TAS2R1: variants seen among roughly 807,000 people sequenced by gnomAD.
The protein encoded by TAS2R1 is taste 2 receptor member 1.
For missense variants in TAS2R1, 370 were observed against 353.4 expected (o/e 1.05, Z -0.38); for synonymous variants, 141 against 134.2 (o/e 1.05, Z -0.35).
chr5:9,835,042 C>T, the TAS2R1 span, among the ~76,000 whole-genome samples: 1 of 152,156 alleles, frequency 6.6e-6, no homozygotes, highest in Non-Finnish European at 1.5e-5. Flanking sequence ...GTCTGCCGAC[C>T]CCTAGGGGCA....
chr5:9,750,062 C>A, the TAS2R1 span, among the ~76,000 whole-genome samples: 2 of 152,206 alleles, frequency 1.3e-5, no homozygotes, highest in African/African-American at 4.8e-5. Context: ...TGTCTTCTGG[C>A]TTCTCATTCG....
chr5:9,813,347 G>A, the TAS2R1 span, among the ~76,000 whole-genome samples: 15 of 152,306 alleles, frequency 9.8e-5, no homozygotes, highest in South Asian at 2.9e-3. Context: ...ATCAGTCTCT[G>A]GAACTTTGTT....
At chr5:9,849,379 T>C in the TAS2R1 span, among the ~76,000 whole-genome samples, 53 of 152,354 alleles carry the variant, frequency 3.5e-4, no homozygotes, top group African/African-American at 1.0e-3. Flanking sequence ...TTTCCATGCA[T>C]TGGAAATACA....
At chr5:9,752,505 T>C in the TAS2R1 span, among the ~76,000 whole-genome samples, 1 of 152,174 alleles carries the variant, frequency 6.6e-6, no homozygotes, top group African/African-American at 2.4e-5. Flanking sequence ...CTCACATTGT[T>C]TTTATGCATG....
chr5:9,671,583 G>A (rs545478175), intron 1 of TAS2R1, among the ~76,000 whole-genome samples: 12 of 151,988 alleles, frequency 7.9e-5, no homozygotes, highest in African/African-American at 2.9e-4. Flanking sequence ...AGCTAACCAG[G>A]TATATGAAAG....
At chr5:9,756,761 G>T in the TAS2R1 span, among the ~76,000 whole-genome samples, 1 of 152,164 alleles carries the variant, frequency 6.6e-6, no homozygotes, top group South Asian at 2.1e-4. Context: ...GCAAGGCAAA[G>T]TCGAAAGGGT....
the TAS2R1 span, among the ~76,000 whole-genome samples, chr5:9,806,510 T>C: frequency 1.3e-5 from 2 of 152,090 alleles, 1 homozygote. Flanking sequence ...TATAAGGCCA[T>C]TGTCATCAAA....
At chr5:9,632,939 G>A (rs533071327), upstream of TAS2R1, among the ~76,000 whole-genome samples, 32 of 151,784 alleles carry the variant, frequency 2.1e-4, 1 homozygote, top group South Asian at 5.6e-3. Context: ...CTAAAATGGT[G>A]AATCCTTTCC....
chr5:9,790,737 T>C, the TAS2R1 span, among the ~76,000 whole-genome samples: 1 of 152,316 alleles, frequency 6.6e-6, no homozygotes, highest in South Asian at 2.1e-4. Flanking sequence ...CAAGCAATTC[T>C]TCCGCCTCAG....
At chr5:9,719,867 G>A in the TAS2R1 span, among the ~76,000 whole-genome samples, 9,613 of 142,688 alleles carry the variant, frequency 0.067, 934 homozygotes, top group African/African-American at 0.22. Flanking sequence ...GCAGTGAGCC[G>A]AGATCGCACC....
the TAS2R1 span, among the ~76,000 whole-genome samples, chr5:9,884,801 T>C: frequency 6.6e-6 from 1 of 152,250 alleles, no homozygotes; most frequent in African/African-American, 2.4e-5. Context: ...CTTTGACCTT[T>C]TTCTAGGAAC....
chr5:9,664,896 C>T (rs1336093717), intron 1 of TAS2R1, among the ~76,000 whole-genome samples: 1 of 152,222 alleles, frequency 6.6e-6, no homozygotes, highest in Non-Finnish European at 1.5e-5. Flanking sequence ...ATACTCTTTA[C>T]AAATGAGGAA....
chr5:9,874,394 C>G, the TAS2R1 span, among the ~76,000 whole-genome samples: 1 of 152,186 alleles, frequency 6.6e-6, no homozygotes, highest in South Asian at 2.1e-4. Context: ...TCAGGAAAAA[C>G]TGTTGGTATG....
chr5:9,848,286 A>C, the TAS2R1 span, among the ~76,000 whole-genome samples: 1 of 152,224 alleles, frequency 6.6e-6, no homozygotes, highest in Admixed American at 6.5e-5. Context: ...TCATCATGGA[A>C]TCACAGGATA....
At chr5:9,689,391 C>T (rs1443897124) in intron 1 of TAS2R1, among the ~76,000 whole-genome samples, 2 of 152,282 alleles carry the variant, frequency 1.3e-5, no homozygotes, top group East Asian at 1.9e-4. Flanking sequence ...CCAGGTTCCG[C>T]CCCAGACCTA....
In TAS2R1 at chr5:9,639,717, T is replaced by C. The variant is rs80096245; in HGVS notation, c.-80-9725A>G. ...TACATAAGCACTTGCTGCTTTACCT[T>C]GTACTTTTATGTTAGATGGCTTCTT... On this transcript the variant is annotated intron_variant, in intron 2 of 2. Transcript: ENST00000506620. Among the ~76,000 whole-genome samples, 4 of 152,356 alleles carry C rather than the reference T, an allele frequency of 2.6e-5. No individual in the cohort carries two copies. The East Asian group carries it at 7.7e-4, about 29-fold the overall frequency.
At chr5:9,713,977 T>C (rs893416969), upstream of TAS2R1, 5 of 152,352 alleles carry the variant, frequency 3.3e-5, no homozygotes, top group African/African-American at 1.2e-4. Context: ...TTCATGTCAT[T>C]ATATAAATGT....
intron 1 of TAS2R1, among the ~76,000 whole-genome samples, chr5:9,670,157 T>A (rs1252184003): frequency 6.6e-6 from 1 of 151,932 alleles, no homozygotes; most frequent in African/African-American, 2.4e-5. Context: ...CTAGAGGAAA[T>A]AGATAAACTC....
At chr5:9,647,407 C>T (rs1237872148) in intron 2 of TAS2R1, among the ~76,000 whole-genome samples, 1 of 152,170 alleles carries the variant, frequency 6.6e-6, no homozygotes, top group Non-Finnish European at 1.5e-5. Flanking sequence ...GTTATCACCC[C>T]AAGGCAAGGC....
Sources: allele counts gnomAD v4.1 joint callset (sites outside exome capture counted in the v4.1 genomes callset), GRCh38; gene constraint gnomAD v4.1.1; transcripts MANE v1.5; gene names NCBI Gene and HGNC (gene_info 2026-07-23, HGNC 2026-07-21).